Variants in CRACR2A observed in about 807,000 individuals in gnomAD.
CRACR2A encodes calcium release activated channel regulator 2A.
CRACR2A carries 79 observed loss-of-function variants against 90.5 expected under a neutral mutation model. The ratio of observed to expected loss-of-function variants is 0.87; its 90% CI spans 0.73 to 1.05. The LOEUF is 1.05. Ranked by LOEUF, CRACR2A falls within the 50% of genes least tolerant of loss-of-function variation. The pLI, the probability that CRACR2A is intolerant of heterozygous loss-of-function variation, is 0.00. For missense variants in CRACR2A, 823 were observed against 897.2 expected, an observed-to-expected ratio of 0.92 and a Z score of 1.06; for synonymous variants, 338 against 356.7, an observed-to-expected ratio of 0.95 and a Z score of 0.59.
At chr12:3,709,132 G>A (rs1945973486) in intron 3 of CRACR2A, among the ~76,000 whole-genome samples, 1 of 152,236 alleles carries the variant, frequency 6.6e-6, no homozygotes, top group African/African-American at 2.4e-5. Flanking sequence ...TAGAGGAGGT[G>A]AGAAGAGCCA....
intron 6 of CRACR2A, among the ~76,000 whole-genome samples, chr12:3,676,335 T>A (rs1391429693): frequency 6.6e-6 from 1 of 152,166 alleles, no homozygotes; most frequent in Non-Finnish European, 1.5e-5. Flanking sequence ...AAAATTTAGA[T>A]GTGGCAAAGG....
At chr12:3,698,371 GC>G (rs1945778106) in intron 3 of CRACR2A, among the ~76,000 whole-genome samples, 1 of 152,208 alleles carries the variant, frequency 6.6e-6, no homozygotes, top group African/African-American at 2.4e-5. Context: ...GAATCACCAG[GC>G]AGGTTTCTCT....
chr12:3,695,286 G>A (rs561450830), intron 4 of CRACR2A, among the ~76,000 whole-genome samples: 2 of 152,294 alleles, frequency 1.3e-5, no homozygotes, highest in Admixed American at 6.5e-5. Flanking sequence ...CACAGACAGG[G>A]GTTTGTCAAA....
chr12:3,668,583 A>AT (rs1471839084), intron 7 of CRACR2A, among the ~76,000 whole-genome samples: 2 of 152,162 alleles, frequency 1.3e-5, no homozygotes, highest in Non-Finnish European at 2.9e-5. Context: ...TTGCTGCCCT[A>AT]TCTGGAGGCA....
chr12:3,676,851 G>A (rs1004112127), intron 6 of CRACR2A, among the ~76,000 whole-genome samples: 1 of 152,156 alleles, frequency 6.6e-6, no homozygotes, highest in Non-Finnish European at 1.5e-5. Context: ...GTCCACACCT[G>A]CCAGGTTCCT....
intron 6 of CRACR2A, among the ~76,000 whole-genome samples, chr12:3,677,848 C>G (rs1462798544): frequency 2.0e-5 from 3 of 152,240 alleles, no homozygotes; most frequent in Non-Finnish European, 4.4e-5. Flanking sequence ...AGGCACTTGC[C>G]TATCCCTTTC....
chr12:3,638,415 C>T lies in CRACR2A; in HGVS notation c.1311G>A (p.Arg437=). ...ATCCACTCAGGCCCAGGGAGCTTCT[C>T]CTTGGGATGCCAAACACCTCCTCCT... ...EEEEEVFGIP[R]RSSLGLSGYP... The change falls in exon 14 of 20, where the codon AGG becomes AGA. Residue 437 remains arginine, a synonymous_variant. Coordinates refer to ENST00000440314, the MANE Select transcript of CRACR2A (RefSeq NM_001144958.2). 1.9e-6 allele frequency: 3 copies of T among 1,547,890 alleles called. No individual in the cohort carries two copies. The highest frequency in any genetic ancestry group is 2.6e-6 in the Non-Finnish European group (3 of 1,144,068).
At chr12:3,632,796 T>G (rs1308138440) in intron 15 of CRACR2A, among the ~76,000 whole-genome samples, 1 of 152,216 alleles carries the variant, frequency 6.6e-6, no homozygotes, top group Non-Finnish European at 1.5e-5. Context: ...AATATTCAGG[T>G]CATACAAATA....
chr12:3,621,372 G>A (rs1944128216), intron 17 of CRACR2A, among the ~76,000 whole-genome samples: 1 of 151,470 alleles, frequency 6.6e-6, no homozygotes, highest in Admixed American at 6.6e-5. Flanking sequence ...CTTGCGTCCT[G>A]GGAAAAGAAA....
intron 3 of CRACR2A, among the ~76,000 whole-genome samples, chr12:3,708,850 ATAT>A (rs1945970100): frequency 6.6e-6 from 1 of 152,148 alleles, no homozygotes; most frequent in Admixed American, 6.6e-5. Flanking sequence ...TCTATGCGAT[ATAT>A]TCTCCCAGTT....
chr12:3,681,849 C>T (rs1372220928), intron 4 of CRACR2A, among the ~76,000 whole-genome samples: 1 of 152,144 alleles, frequency 6.6e-6, no homozygotes, highest in African/African-American at 2.4e-5. Context: ...TTAAGGGAGA[C>T]TATGATGCAT....
chr12:3,617,966 C>T (rs1201446277), intron 18 of CRACR2A, among the ~76,000 whole-genome samples: 1 of 152,180 alleles, frequency 6.6e-6, no homozygotes, highest in Non-Finnish European at 1.5e-5. Context: ...GCATTTCTCT[C>T]AGATCTGCAA....
rs527812399 is a variant in CRACR2A at position 3,702,127 on chromosome 12, G to C, written c.-36-5092C>G. On this transcript the variant is annotated intron_variant, in intron 3 of 19. Transcript: ENST00000440314. ...AAAAGCTACTCCTGATAAAAACTAA[G>C]AGAACTAGGAATAGGAAGGAACTGG... Among the ~76,000 whole-genome samples, 12 of 152,254 alleles carry C rather than the reference G, an allele frequency of 7.9e-5. No homozygotes were observed. The East Asian group carries it at 2.1e-3, about 27-fold the overall frequency.
At chr12:3,668,794 C>T (rs190606993) in intron 7 of CRACR2A, among the ~76,000 whole-genome samples, 1 of 152,160 alleles carries the variant, frequency 6.6e-6, no homozygotes, top group Non-Finnish European at 1.5e-5. Context: ...TCACCATGGA[C>T]CGGAAGTGGC....
At chr12:3,637,991 G>C in intron 14 of CRACR2A, 133 bp downstream of exon 14, 8 of 856,550 alleles carry the variant, frequency 9.3e-6, no homozygotes, top group Non-Finnish European at 1.4e-5. Context: ...GGTATTTGGA[G>C]GACACATATG....
At chr12:3,670,524 A>AT (rs1384916294) in intron 7 of CRACR2A, among the ~76,000 whole-genome samples, 1 of 152,186 alleles carries the variant, frequency 6.6e-6, no homozygotes, top group Non-Finnish European at 1.5e-5. Flanking sequence ...CCATTTTCAT[A>AT]TCCTATACCC....
At chr12:3,659,288 A>G (rs887433639) in intron 8 of CRACR2A, among the ~76,000 whole-genome samples, 1 of 152,208 alleles carries the variant, frequency 6.6e-6, no homozygotes, top group Non-Finnish European at 1.5e-5. Flanking sequence ...TGTTCCAGGC[A>G]TTGTCTATGT....
At chr12:3,751,323 C>T (rs190670831) in intron 1 of CRACR2A, among the ~76,000 whole-genome samples, 1 of 152,270 alleles carries the variant, frequency 6.6e-6, no homozygotes, top group Non-Finnish European at 1.5e-5. Context: ...TGTTCAACCC[C>T]TCATGGTGAC....
intron 17 of CRACR2A, among the ~76,000 whole-genome samples, chr12:3,626,930 C>T (rs1565462435): frequency 6.6e-6 from 1 of 152,176 alleles, no homozygotes; most frequent in African/African-American, 2.4e-5. Context: ...TCAACCTCCC[C>T]TTGTGTGAAG....
Sources: allele counts gnomAD v4.1 joint callset (sites outside exome capture counted in the v4.1 genomes callset), GRCh38; gene constraint gnomAD v4.1.1; transcripts MANE v1.5; gene names NCBI Gene and HGNC (gene_info 2026-07-23, HGNC 2026-07-21).